The following GALNT13 variants were observed in gnomAD, a reference collection of about 807,000 sequenced individuals.
GALNT13 encodes the protein UDP-GalNAc:polypeptide N-acetylgalactosaminyltransferase 13.
In GALNT13, 28 loss-of-function variants were observed where a neutral mutation model predicts 64.2. The observed-to-expected ratio is 0.44, with a 90% confidence interval of 0.32 to 0.60. The LOEUF is 0.60. GALNT13 is among the 20% of genes least tolerant of loss of function. GALNT13 has a pLI of 0.05. For synonymous variants in GALNT13, 214 were observed against 224.6 expected, an observed-to-expected ratio of 0.95 and a Z score of 0.42; for missense variants, 577 against 669.8, an observed-to-expected ratio of 0.86 and a Z score of 1.53.
At chr2:154,236,066 C>T in intron 4 of GALNT13, 1 of 1,239,216 alleles carries the variant, frequency 8.1e-7, no homozygotes, top group Non-Finnish European at 1.1e-6. Flanking sequence ...ATGAGAACAG[C>T]ATTAGTGTAC....
chr2:153,954,039 A>T lies in GALNT13; in HGVS notation c.142+9400A>T, dbSNP rs558461006. Among the ~76,000 whole-genome samples, 252 of 152,230 alleles carry T rather than the reference A, an allele frequency of 1.7e-3. 1 individual carries two copies. The highest frequency in any genetic ancestry group is 6.0e-3 in the African/African-American group (250 of 41,548). ...TTTTCTATTTTTGTTTTTTAAAATT[A>T]TCTCCTCCTTATAGCCATGCACTCA... On this transcript the variant is annotated intron_variant, in intron 3 of 12. Coordinates refer to ENST00000392825, the MANE Select transcript of GALNT13 (RefSeq NM_052917.4).
the GALNT13 span, among the ~76,000 whole-genome samples, chr2:153,401,152 T>C: frequency 1.3e-5 from 2 of 152,138 alleles, no homozygotes; most frequent in African/African-American, 2.4e-5. Flanking sequence ...TTTCAAAGAA[T>C]ATCTTTATTT....
the GALNT13 span, among the ~76,000 whole-genome samples, chr2:153,671,650 G>A: frequency 6.6e-6 from 1 of 152,114 alleles, no homozygotes; most frequent in East Asian, 1.9e-4. Context: ...CAATTAATAG[G>A]CAAAATAAAC....
the GALNT13 span, among the ~76,000 whole-genome samples, chr2:153,146,821 G>T: frequency 5.3e-5 from 8 of 151,810 alleles, no homozygotes; most frequent in African/African-American, 1.7e-4. Context: ...GCCATGTGCT[G>T]GTCATATAAC....
intron 4 of GALNT13, among the ~76,000 whole-genome samples, chr2:154,187,396 ACACAC>A (rs1686315025): frequency 1.3e-5 from 2 of 151,348 alleles, no homozygotes; most frequent in Non-Finnish European, 3.0e-5. Context: ...ACACACACAC[ACACAC>A]ACACACACAC....
the GALNT13 span, among the ~76,000 whole-genome samples, chr2:153,485,982 A>G: frequency 6.6e-6 from 1 of 152,140 alleles, no homozygotes. Flanking sequence ...TGTCACCCAG[A>G]GCTGGAGTGC....
intron 9 of GALNT13, among the ~76,000 whole-genome samples, chr2:154,311,751 G>C (rs914610456): frequency 6.6e-6 from 1 of 152,154 alleles, no homozygotes. Context: ...ATAAGAGACA[G>C]GTACGCCCTG....
chr2:153,902,905 T>C (rs1291085195), intron 2 of GALNT13, among the ~76,000 whole-genome samples: 1 of 152,040 alleles, frequency 6.6e-6, no homozygotes, highest in Non-Finnish European at 1.5e-5. Flanking sequence ...TCCAGAGTCA[T>C]TGCAGTTTAC....
the GALNT13 span, among the ~76,000 whole-genome samples, chr2:153,766,982 T>A: frequency 6.6e-6 from 1 of 152,164 alleles, no homozygotes; most frequent in Admixed American, 6.5e-5. Context: ...ATGGGATACA[T>A]GTGCATACTT....
the GALNT13 span, among the ~76,000 whole-genome samples, chr2:153,467,732 G>A: frequency 6.6e-6 from 1 of 151,964 alleles, no homozygotes; most frequent in Non-Finnish European, 1.5e-5. Context: ...TATCTAAATG[G>A]ATGATGATAA....
chr2:153,386,685 A>G, the GALNT13 span, among the ~76,000 whole-genome samples: 3 of 152,194 alleles, frequency 2.0e-5, no homozygotes, highest in South Asian at 6.2e-4. Flanking sequence ...CTGACAAGGC[A>G]TGGGGGCCAG....
intron 1 of GALNT13, among the ~76,000 whole-genome samples, chr2:153,878,261 T>C (rs1160957002): frequency 2.0e-5 from 3 of 152,154 alleles, no homozygotes; most frequent in Non-Finnish European, 4.4e-5. Context: ...CCCTGTACAT[T>C]TTTCCACATT....
At chr2:154,276,485 C>T (rs74758172) in intron 8 of GALNT13, among the ~76,000 whole-genome samples, 3,370 of 152,270 alleles carry the variant, frequency 0.022, 144 homozygotes, top group African/African-American at 0.078. Context: ...ATCCATCCAC[C>T]ATTGCCTCCC....
the GALNT13 span, among the ~76,000 whole-genome samples, chr2:153,347,128 G>GTGC: frequency 1.3e-5 from 2 of 152,326 alleles, no homozygotes; most frequent in South Asian, 4.1e-4. Context: ...ACTCTAACAG[G>GTGC]TGCCCAGAAC....
At chr2:154,019,503 G>A (rs529015625) in intron 3 of GALNT13, among the ~76,000 whole-genome samples, 11 of 151,160 alleles carry the variant, frequency 7.3e-5, no homozygotes, top group African/African-American at 1.7e-4. Flanking sequence ...GTGTGGTGAC[G>A]CACACCTGAG....
At chr2:154,180,440 C>G (rs1685892719) in intron 4 of GALNT13, among the ~76,000 whole-genome samples, 1 of 151,406 alleles carries the variant, frequency 6.6e-6, no homozygotes. Context: ...AAAAAAAATA[C>G]AAATATTGCT....
chr2:153,434,671 G>A, the GALNT13 span, among the ~76,000 whole-genome samples: 4 of 152,050 alleles, frequency 2.6e-5, no homozygotes, highest in Admixed American at 2.6e-4. Flanking sequence ...TTTTTGATGG[G>A]GTTGTTTGGT....
chr2:153,580,586 T>C, the GALNT13 span, among the ~76,000 whole-genome samples: 5 of 152,090 alleles, frequency 3.3e-5, no homozygotes, highest in Admixed American at 2.6e-4. Flanking sequence ...CAGAAGAGAA[T>C]ATAATTTAGG....
chr2:153,208,489 A>ATT, the GALNT13 span, among the ~76,000 whole-genome samples: 1 of 151,314 alleles, frequency 6.6e-6, no homozygotes, highest in East Asian at 1.9e-4. Context: ...ATGTTAGTGG[A>ATT]TTTTTTTTTC....
Sources: allele counts gnomAD v4.1 joint callset (sites outside exome capture counted in the v4.1 genomes callset), GRCh38; gene constraint gnomAD v4.1.1; transcripts MANE v1.5; gene names NCBI Gene and HGNC (gene_info 2026-07-23, HGNC 2026-07-21).